Variants in MAML3 observed in about 807,000 individuals in gnomAD.
MAML3 encodes mastermind-like protein 3.
MAML3 carries 27 observed loss-of-function variants against 101.9 expected under a neutral mutation model. The ratio of observed to expected loss-of-function variants is 0.27; its 90% CI spans 0.20 to 0.37. The LOEUF is 0.37. Ranked by LOEUF, MAML3 falls within the 10% of genes least tolerant of loss-of-function variation. MAML3 has a pLI of 1.00. For missense variants in MAML3, 1,316 were observed against 1,444.9 expected (o/e 0.91, Z 1.45); for synonymous variants, 501 against 555.9 (o/e 0.90, Z 1.39).
At chr4:139,924,565 T>C (rs1733185094) in intron 1 of MAML3, among the ~76,000 whole-genome samples, 1 of 152,192 alleles carries the variant, frequency 6.6e-6, no homozygotes, top group African/African-American at 2.4e-5. Flanking sequence ...GAAACAGAAG[T>C]CATATCCTAT....
intron 1 of MAML3, among the ~76,000 whole-genome samples, chr4:140,151,570 G>A (rs373635634): frequency 2.0e-5 from 3 of 152,108 alleles, no homozygotes; most frequent in East Asian, 3.9e-4. Flanking sequence ...GGCCGCCCCT[G>A]CCGGGCTCTG....
intron 1 of MAML3, among the ~76,000 whole-genome samples, chr4:139,988,507 A>G (rs575551340): frequency 1.3e-5 from 2 of 152,212 alleles, no homozygotes; most frequent in South Asian, 4.1e-4. Context: ...TTTCCAGACA[A>G]GCAAAAATTC....
intron 1 of MAML3, among the ~76,000 whole-genome samples, chr4:140,009,357 G>A (rs2048384): frequency 0.5 from 76,252 of 152,010 alleles, 19,640 homozygotes; most frequent in East Asian, 0.66. Flanking sequence ...AAGCTTTCCC[G>A]CTGCCCTCCC....
intron 1 of MAML3, among the ~76,000 whole-genome samples, chr4:140,033,941 C>T (rs1436651287): frequency 6.6e-6 from 1 of 152,160 alleles, no homozygotes. Context: ...ACTACAATGG[C>T]CTGAACATAA....
Position 139,871,095 on chromosome 4 carries a change from A to G in MAML3, c.2079+18262T>C, listed in dbSNP as rs1319375470. ...TGTGTGCTTATCATTTTTTCATGGT[A>G]TATCATTTTTTCATGGTCATTAGTT... is the stretch of plus-strand genomic sequence containing the variant. On this transcript the variant is annotated intron_variant, in intron 2 of 4. Coordinates refer to ENST00000509479, the MANE Select transcript of MAML3 (RefSeq NM_018717.5). Among the ~76,000 whole-genome samples, 6 of 152,062 alleles carry G rather than the reference A, an allele frequency of 3.9e-5. No individual in the cohort carries two copies. The East Asian group carries it at 1.2e-3, about 29-fold the overall frequency.
chr4:140,091,321 G>T (rs947213728), intron 1 of MAML3, among the ~76,000 whole-genome samples: 1 of 152,018 alleles, frequency 6.6e-6, no homozygotes, highest in African/African-American at 2.4e-5. Context: ...CAAGAGAGGG[G>T]CTGAGCTTCT....
chr4:139,807,402 A>G (rs779112030), intron 2 of MAML3, among the ~76,000 whole-genome samples: 1 of 152,142 alleles, frequency 6.6e-6, no homozygotes, highest in Non-Finnish European at 1.5e-5. Context: ...ATTACCTTAA[A>G]CCCTGCACTT....
chr4:140,042,817 G>A (rs899039715), intron 1 of MAML3, among the ~76,000 whole-genome samples: 1 of 152,028 alleles, frequency 6.6e-6, no homozygotes, highest in Non-Finnish European at 1.5e-5. Context: ...GAGGAGAGGT[G>A]TCCTGGCAAC....
Position 139,989,096 on chromosome 4 carries a change from T to A in MAML3, c.469-98129A>T, listed in dbSNP as rs563223984. 9.9e-5 allele frequency among the ~76,000 whole-genome samples: 15 copies of A among 152,274 alleles called. No individual in the cohort carries two copies. The South Asian group carries it at 2.5e-3, about 25-fold the overall frequency. ...AGAACTGCCCCTTCTCGACGATTTA[T>A]AAACTCTGTCCATCGAGAGCACACT... is the stretch of plus-strand genomic sequence containing the variant. On this transcript the variant is annotated intron_variant, in intron 1 of 4. Coordinates refer to ENST00000509479, the MANE Select transcript of MAML3 (RefSeq NM_018717.5).
At chr4:139,938,587 A>G (rs1255277286) in intron 1 of MAML3, among the ~76,000 whole-genome samples, 3 of 152,192 alleles carry the variant, frequency 2.0e-5, no homozygotes, top group Non-Finnish European at 2.9e-5. Context: ...GAGTAGAGTG[A>G]TGGTGGTTAT....
At chr4:139,954,505 G>A (rs1240485728) in intron 1 of MAML3, among the ~76,000 whole-genome samples, 1 of 152,178 alleles carries the variant, frequency 6.6e-6, no homozygotes, top group Non-Finnish European at 1.5e-5. Context: ...GACAAGTACA[G>A]CTGCTTCCAG....
intron 2 of MAML3, among the ~76,000 whole-genome samples, chr4:139,780,594 C>CATGGG: frequency 6.6e-6 from 1 of 150,984 alleles, no homozygotes; most frequent in Admixed American, 6.6e-5. Flanking sequence ...TGTGGCTGTG[C>CATGGG]ATGGGTCGCC....
chr4:140,096,282 A>G (rs1291330736), intron 1 of MAML3, among the ~76,000 whole-genome samples: 1 of 152,198 alleles, frequency 6.6e-6, no homozygotes, highest in Non-Finnish European at 1.5e-5. Context: ...GAAACTGGAG[A>G]TGATTAGACA....
chr4:139,738,314 C>T (rs1427973851), intron 2 of MAML3, among the ~76,000 whole-genome samples: 2 of 152,178 alleles, frequency 1.3e-5, no homozygotes, highest in Non-Finnish European at 2.9e-5. Context: ...GAGGCTAAGG[C>T]GGGTGGATCA....
intron 1 of MAML3, among the ~76,000 whole-genome samples, chr4:139,982,321 A>G (rs967733359): frequency 2.0e-5 from 3 of 152,076 alleles, no homozygotes; most frequent in African/African-American, 2.4e-5. Context: ...CCCTATTATT[A>G]TGGGAGTTTT....
intron 1 of MAML3, among the ~76,000 whole-genome samples, chr4:140,152,524 CTCTT>C (rs960492620): frequency 6.6e-6 from 1 of 152,022 alleles, no homozygotes; most frequent in African/African-American, 2.4e-5. Context: ...CAGGGGTTCA[CTCTT>C]TCAAATCGGT....
chr4:140,034,199 T>C (rs200758848), intron 1 of MAML3, among the ~76,000 whole-genome samples: 1 of 152,238 alleles, frequency 6.6e-6, no homozygotes, highest in East Asian at 1.9e-4. Flanking sequence ...TAGGACTCTT[T>C]ATAGCTTACA....
chr4:139,915,147 T>C (rs1402436105), intron 1 of MAML3, among the ~76,000 whole-genome samples: 1 of 152,196 alleles, frequency 6.6e-6, no homozygotes, highest in Non-Finnish European at 1.5e-5. Flanking sequence ...ATATTCTGGA[T>C]AGTTTATTAC....
At chr4:139,872,520 T>A (rs1188761882) in intron 2 of MAML3, among the ~76,000 whole-genome samples, 2 of 152,062 alleles carry the variant, frequency 1.3e-5, no homozygotes, top group Non-Finnish European at 2.9e-5. Flanking sequence ...GAAGTTACAG[T>A]GTGACTAACT....
Sources: gnomAD v4.1 joint callset for allele counts (sites outside exome capture counted in the v4.1 genomes callset) on GRCh38, gnomAD v4.1.1 for gene constraint, MANE v1.5 for transcripts, NCBI Gene and HGNC (gene_info 2026-07-23, HGNC 2026-07-21) for gene names.